Variants in CPLX2 observed in about 807,000 individuals in gnomAD.
CPLX2 encodes complexin-2.
Under a neutral mutation model 16.3 loss-of-function variants are expected in CPLX2, and 5 were observed. The observed-to-expected ratio is 0.31, with a 90% CI of 0.16 to 0.64. The LOEUF is 0.64. Among genes scored for constraint, CPLX2 ranks in the 30% least tolerant of loss-of-function variants. The pLI is 0.79. For missense variants in CPLX2, 144 were observed against 181.4 expected (o/e 0.79, Z 1.18); for synonymous variants, 89 against 73.2 (o/e 1.22, Z -1.10).
In CPLX2 at chr5:175,880,293, G is replaced by A. The variant is rs1404369515; in HGVS notation, c.*248G>A. 2 of 580,138 alleles carry A rather than the reference G, an allele frequency of 3.4e-6. No individual in the cohort carries two copies. Among genetic ancestry groups the A allele is most frequent in the Non-Finnish European group, 6.3e-6 (2 of 318,958 alleles). 35.9% of individuals were successfully genotyped at this position (580,138 alleles called of 1,614,324 possible). ...CAGTCTTTCCCCAGCAGGGGTCAGG[G>A]GGGCCCCTCAGGAAGCCTAAGGTCG... On this transcript the variant is annotated 3_prime_UTR_variant, in exon 4 of 4. Coordinates refer to ENST00000393745, the MANE Select transcript of CPLX2 (RefSeq NM_001008220.2).
intron 2 of CPLX2, among the ~76,000 whole-genome samples, chr5:175,819,420 G>A (rs890744932): frequency 1.3e-5 from 2 of 152,196 alleles, no homozygotes; most frequent in Admixed American, 6.5e-5. Flanking sequence ...GGTATTTTCC[G>A]TCTTTTCCAT....
chr5:175,829,303 A>G (rs934100770), intron 2 of CPLX2, among the ~76,000 whole-genome samples: 35 of 152,334 alleles, frequency 2.3e-4, no homozygotes, highest in African/African-American at 7.5e-4. Flanking sequence ...CAGCTGGTAA[A>G]TAAGCTGCAG....
intron 2 of CPLX2, 61 bp from the exon 3 acceptor site, chr5:175,878,845 CCT>C: frequency 6.2e-7 from 1 of 1,607,690 alleles, no homozygotes; most frequent in East Asian, 2.2e-5. Context: ...CCACCCGGCC[CCT>C]CTCTCCCCAG....
At chr5:175,804,378 C>A (rs942305031) in intron 1 of CPLX2, among the ~76,000 whole-genome samples, 1 of 152,130 alleles carries the variant, frequency 6.6e-6, no homozygotes, top group Non-Finnish European at 1.5e-5. Context: ...GAGACAGAAG[C>A]CCAGAGAAAG....
intron 2 of CPLX2, among the ~76,000 whole-genome samples, chr5:175,854,099 C>T (rs1185984672): frequency 6.6e-6 from 1 of 152,188 alleles, no homozygotes; most frequent in Non-Finnish European, 1.5e-5. Flanking sequence ...AGCCCAGGTT[C>T]TCCAGCTTCA....
chr5:175,825,958 A>G (rs1467372789), intron 2 of CPLX2, among the ~76,000 whole-genome samples: 1 of 151,242 alleles, frequency 6.6e-6, no homozygotes, highest in East Asian at 1.9e-4. Flanking sequence ...AAAAAAAAAA[A>G]AGCCTGGTAA....
intron 2 of CPLX2, among the ~76,000 whole-genome samples, chr5:175,834,061 C>T (rs867237189): frequency 2.6e-5 from 4 of 152,168 alleles, no homozygotes; most frequent in East Asian, 1.9e-4. Context: ...CCCAAACCAA[C>T]GGCATCTTGG....
At chr5:175,836,892 A>G (rs1402959190) in intron 2 of CPLX2, among the ~76,000 whole-genome samples, 1 of 152,216 alleles carries the variant, frequency 6.6e-6, no homozygotes, top group Non-Finnish European at 1.5e-5. Flanking sequence ...GATAAAGAAC[A>G]TGAGGCCCAG....
chr5:175,834,374 G>A (rs1272443121), intron 2 of CPLX2, among the ~76,000 whole-genome samples: 3 of 152,162 alleles, frequency 2.0e-5, no homozygotes, highest in South Asian at 2.1e-4. Flanking sequence ...TCCAGGGCCC[G>A]GGTGCCAGGC....
intron 2 of CPLX2, among the ~76,000 whole-genome samples, chr5:175,823,993 C>G (rs1455291434): frequency 6.6e-6 from 1 of 152,138 alleles, no homozygotes; most frequent in Non-Finnish European, 1.5e-5. Context: ...CTGGGGCTTG[C>G]TGGGGAGGAG....
At chr5:175,846,045 G>T (rs773834527) in intron 2 of CPLX2, among the ~76,000 whole-genome samples, 1 of 152,110 alleles carries the variant, frequency 6.6e-6, no homozygotes, top group African/African-American at 2.4e-5. Flanking sequence ...TGCCCACACC[G>T]CACCTGTGGC....
At chr5:175,821,117 G>A (rs944592130) in intron 2 of CPLX2, among the ~76,000 whole-genome samples, 6 of 152,042 alleles carry the variant, frequency 3.9e-5, no homozygotes, top group Admixed American at 2.6e-4. Flanking sequence ...CTCCCCTCCC[G>A]CCCCATAGGA....
At chr5:175,840,973 G>A (rs1581086531) in intron 2 of CPLX2, among the ~76,000 whole-genome samples, 1 of 152,314 alleles carries the variant, frequency 6.6e-6, no homozygotes, top group East Asian at 1.9e-4. Context: ...CCAGGGCCCA[G>A]GAAAGTGGGT....
intron 1 of CPLX2, among the ~76,000 whole-genome samples, chr5:175,798,502 A>C (rs1001570857): frequency 6.6e-6 from 1 of 152,182 alleles, no homozygotes; most frequent in African/African-American, 2.4e-5. Context: ...AGCAGGAGTC[A>C]CGAACTGTAA....
chr5:175,852,290 T>C (rs973235477), intron 2 of CPLX2, among the ~76,000 whole-genome samples: 2 of 152,238 alleles, frequency 1.3e-5, no homozygotes, highest in African/African-American at 4.8e-5. Flanking sequence ...GTTGAGGGGA[T>C]TCTATTATTC....
At chr5:175,878,830 T>G in intron 2 of CPLX2, 60 bp downstream of exon 2, 1 of 1,608,908 alleles carries the variant, frequency 6.2e-7, no homozygotes, top group Non-Finnish European at 8.5e-7. Context: ...GGAGGTGGCC[T>G]CGGCCCACCC....
At chr5:175,853,472 C>A (rs1425230883) in intron 2 of CPLX2, among the ~76,000 whole-genome samples, 1 of 152,204 alleles carries the variant, frequency 6.6e-6, no homozygotes, top group Non-Finnish European at 1.5e-5. Flanking sequence ...CACCCTGTCA[C>A]CTGCTGAAAG....
In CPLX2 at chr5:175,882,897, G is replaced by C. The variant is rs1252937193; in HGVS notation, c.*2852G>C. 2 of 152,386 alleles carry C rather than the reference G, an allele frequency of 1.3e-5. No homozygotes were observed. Among genetic ancestry groups the C allele is most frequent in the Non-Finnish European group, 2.9e-5 (2 of 68,120 alleles). 9.4% of individuals were successfully genotyped at this position (152,386 alleles called of 1,614,324 possible). On this transcript the variant is annotated 3_prime_UTR_variant, in exon 4 of 4. Transcript: ENST00000393745. ...AGCACGTAGTGCACAGAATACGTGAGAGTTGCTCTGGCAGGGGCAGAATCC... is the reference window on the plus strand; with the variant it reads ...AGCACGTAGTGCACAGAATACGTGACAGTTGCTCTGGCAGGGGCAGAATCC...
intron 2 of CPLX2, among the ~76,000 whole-genome samples, chr5:175,859,902 C>T (rs930286054): frequency 1.3e-5 from 2 of 152,200 alleles, no homozygotes; most frequent in African/African-American, 2.4e-5. Flanking sequence ...GGACACACAG[C>T]TCCAAAGTTA....
Sources: allele counts gnomAD v4.1 joint callset (sites outside exome capture counted in the v4.1 genomes callset), GRCh38; gene constraint gnomAD v4.1.1; transcripts MANE v1.5; gene names NCBI Gene and HGNC (gene_info 2026-07-23, HGNC 2026-07-21).